Variants in PLCB1 observed in about 807,000 individuals in gnomAD.
PLCB1 encodes the protein phospholipase C beta 1.
PLCB1 carries 46 observed loss-of-function variants against 161.8 expected under a neutral mutation model. The observed-to-expected ratio is 0.28, with a 90% CI of 0.22 to 0.36. The LOEUF (loss-of-function observed/expected upper bound fraction) is 0.36. PLCB1 is among the 10% of genes least tolerant of loss of function. The pLI is 1.00. For missense variants in PLCB1, 1,016 were observed against 1,472.5 expected (o/e 0.69, Z 5.07); for synonymous variants, 517 against 503.7 (o/e 1.03, Z -0.35).
chr20:8,779,343 A>C (rs1253386407), intron 27 of PLCB1, among the ~76,000 whole-genome samples: 2 of 152,110 alleles, frequency 1.3e-5, no homozygotes, highest in Admixed American at 6.6e-5. Context: ...GTACTAAGAA[A>C]TGAAATAATA....
chr20:8,542,019 G>A (rs1662180513), intron 3 of PLCB1, among the ~76,000 whole-genome samples: 1 of 152,174 alleles, frequency 6.6e-6, no homozygotes, highest in South Asian at 2.1e-4. Context: ...CTGAAAACAT[G>A]TTTGTGCAGG....
chr20:8,816,970 A>T (rs974756989), intron 31 of PLCB1, among the ~76,000 whole-genome samples: 7 of 152,182 alleles, frequency 4.6e-5, no homozygotes, highest in Admixed American at 1.3e-4. Context: ...AATTCAGGCT[A>T]AAAGGAGCCA....
At chr20:8,647,319 T>G (rs1339052890) in intron 5 of PLCB1, among the ~76,000 whole-genome samples, 1 of 152,238 alleles carries the variant, frequency 6.6e-6, no homozygotes, top group Non-Finnish European at 1.5e-5. Flanking sequence ...TATTGCTAGT[T>G]GGCTAATCAA....
intron 3 of PLCB1, among the ~76,000 whole-genome samples, chr20:8,431,311 G>A (rs1896320997): frequency 6.6e-6 from 1 of 152,150 alleles, no homozygotes; most frequent in Non-Finnish European, 1.5e-5. Flanking sequence ...AATTATGACA[G>A]TGATCTGAAT....
intron 2 of PLCB1, among the ~76,000 whole-genome samples, chr20:8,225,514 T>G (rs73897343): frequency 0.014 from 2,159 of 152,310 alleles, 56 homozygotes; most frequent in African/African-American, 0.047. Context: ...AATCTTATAG[T>G]TTCTTGATAT....
intron 3 of PLCB1, among the ~76,000 whole-genome samples, chr20:8,454,895 T>C (rs1240147582): frequency 6.6e-6 from 1 of 152,208 alleles, no homozygotes; most frequent in Non-Finnish European, 1.5e-5. Context: ...TTTTTATCTG[T>C]TTTGTTCACT....
intron 27 of PLCB1, among the ~76,000 whole-genome samples, chr20:8,785,892 T>C (rs1983459975): frequency 6.6e-6 from 1 of 152,102 alleles, no homozygotes; most frequent in Admixed American, 6.5e-5. Context: ...AGGAATATAA[T>C]TGTTACTGAA....
chr20:8,715,418 G>A (rs928877077), intron 12 of PLCB1, among the ~76,000 whole-genome samples: 1 of 152,096 alleles, frequency 6.6e-6, no homozygotes, highest in African/African-American at 2.4e-5. Context: ...TGTTTCAAAG[G>A]CGTTTGCATC....
At chr20:8,474,213 G>A (rs899202126) in intron 3 of PLCB1, among the ~76,000 whole-genome samples, 1 of 152,148 alleles carries the variant, frequency 6.6e-6, no homozygotes, top group Non-Finnish European at 1.5e-5. Context: ...AATAAAATGA[G>A]ATTCCTCTTT....
At chr20:8,332,599 A>T (rs1985408238) in intron 2 of PLCB1, among the ~76,000 whole-genome samples, 1 of 152,218 alleles carries the variant, frequency 6.6e-6, no homozygotes, top group Admixed American at 6.5e-5. Context: ...GAGATGCGGA[A>T]AGACTAAATG....
At chr20:8,332,049 G>T (rs1985385933) in intron 2 of PLCB1, among the ~76,000 whole-genome samples, 1 of 152,310 alleles carries the variant, frequency 6.6e-6, no homozygotes, top group African/African-American at 2.4e-5. Flanking sequence ...ATTGGGTGCC[G>T]GGTGTCTGTT....
chr20:8,758,581 A>G (rs1453330080), intron 24 of PLCB1, among the ~76,000 whole-genome samples: 1 of 152,124 alleles, frequency 6.6e-6, no homozygotes, highest in East Asian at 1.9e-4. Flanking sequence ...GCTCCATCTC[A>G]AAAAGAAAAA....
chr20:8,519,551 G>T (rs982266227), intron 3 of PLCB1, among the ~76,000 whole-genome samples: 6 of 152,014 alleles, frequency 3.9e-5, no homozygotes, highest in Non-Finnish European at 8.8e-5. Flanking sequence ...GAGGAAGGGG[G>T]TTATTCTTAG....
chr20:8,684,143 C>T (rs1990294559), intron 9 of PLCB1, among the ~76,000 whole-genome samples: 1 of 152,128 alleles, frequency 6.6e-6, no homozygotes, highest in Non-Finnish European at 1.5e-5. Context: ...CTTGGCCTCC[C>T]AAAGTGCTGG....
intron 31 of PLCB1, among the ~76,000 whole-genome samples, chr20:8,790,964 G>C (rs894252643): frequency 2.0e-5 from 3 of 151,938 alleles, no homozygotes; most frequent in East Asian, 3.9e-4. Context: ...ATTTTCCTGC[G>C]CTTCTATTTT....
intron 3 of PLCB1, among the ~76,000 whole-genome samples, chr20:8,399,213 A>G (rs1978437404): frequency 6.6e-6 from 1 of 150,896 alleles, no homozygotes; most frequent in Non-Finnish European, 1.5e-5. Flanking sequence ...CTTTTGTCCC[A>G]ACACTATTTT....
chr20:8,469,264 A>G (rs1027738154), intron 3 of PLCB1, among the ~76,000 whole-genome samples: 24 of 152,192 alleles, frequency 1.6e-4, no homozygotes, highest in African/African-American at 5.8e-4. Context: ...TTCATAGTAG[A>G]AGAGAACTTA....
In PLCB1 at chr20:8,812,533, G is replaced by A. The variant is rs184566671; in HGVS notation, c.3423+22272G>A. 2.0e-5 allele frequency among the ~76,000 whole-genome samples: 3 copies of A among 152,240 alleles called. No individual in the cohort carries two copies. The East Asian group carries it at 5.8e-4, about 29-fold the overall frequency. On this transcript the variant is annotated intron_variant, in intron 31 of 31. Coordinates refer to ENST00000338037, the MANE Select transcript of PLCB1 (RefSeq NM_015192.4). Reference sequence around the variant, plus strand: ...TGGACTCAAGTAATGAGTGGACTTGGCCAGACTCTACCGGGGCATCTCGCC... The same window carrying A: ...TGGACTCAAGTAATGAGTGGACTTGACCAGACTCTACCGGGGCATCTCGCC...
chr20:8,879,300 A>C (rs1311843744), intron 31 of PLCB1, among the ~76,000 whole-genome samples: 6 of 60,818 alleles, frequency 9.9e-5, no homozygotes, highest in Non-Finnish European at 3.5e-5. Flanking sequence ...TGATGTGAAA[A>C]AAAAAAAAAA....
Sources: gnomAD v4.1 joint callset for allele counts (sites outside exome capture counted in the v4.1 genomes callset) on GRCh38, gnomAD v4.1.1 for gene constraint, MANE v1.5 for transcripts, NCBI Gene and HGNC (gene_info 2026-07-23, HGNC 2026-07-21) for gene names.